GTPBP10: variants seen among roughly 807,000 people sequenced by gnomAD.
The protein encoded by GTPBP10 is GTP-binding protein 10.
Under a neutral mutation model 44.8 loss-of-function variants are expected in GTPBP10, and 38 were observed. That is an observed-to-expected ratio of 0.85 (90% CI 0.65 to 1.11). GTPBP10 has a LOEUF of 1.11. GTPBP10 is among the 50% of genes most tolerant of loss of function. The probability of loss-of-function intolerance (pLI) is 0.00; values close to 1 mark genes in which losing one functional copy is unlikely to be tolerated. For missense variants in GTPBP10, 462 were observed against 453.7 expected, an observed-to-expected ratio of 1.02 and a Z score of -0.17; for synonymous variants, 152 against 150.6, an observed-to-expected ratio of 1.01 and a Z score of -0.07.
At chr7:90,366,528 T>C (rs886439875) in intron 4 of GTPBP10, among the ~76,000 whole-genome samples, 3 of 152,196 alleles carry the variant, frequency 2.0e-5, no homozygotes, top group East Asian at 3.8e-4. Flanking sequence ...GTCCAGGAAT[T>C]TATCCATTTC....
At chr7:90,371,580 G>A (rs1424813283) in intron 4 of GTPBP10, among the ~76,000 whole-genome samples, 1 of 152,164 alleles carries the variant, frequency 6.6e-6, no homozygotes. Flanking sequence ...ATTGCAGATA[G>A]GAAACAAGAT....
chr7:90,371,150 A>T (rs17867629), intron 4 of GTPBP10: 51,487 of 927,926 alleles, frequency 0.055, 1,603 homozygotes, highest in South Asian at 0.13. Context: ...AATAATACAC[A>T]CTTGTTTGCA....
At chr7:90,363,734 T>C (rs1260865411) in intron 4 of GTPBP10, among the ~76,000 whole-genome samples, 2 of 152,214 alleles carry the variant, frequency 1.3e-5, no homozygotes, top group Admixed American at 6.5e-5. Flanking sequence ...GAGTGTTTTC[T>C]GACTTGGTTC....
chr7:90,382,738 A>T (rs1304943986), intron 8 of GTPBP10, among the ~76,000 whole-genome samples: 1 of 152,196 alleles, frequency 6.6e-6, no homozygotes, highest in Non-Finnish European at 1.5e-5. Context: ...ACGCAAAATT[A>T]CAACTGTCTC....
intron 4 of GTPBP10, among the ~76,000 whole-genome samples, chr7:90,356,757 GATAATGC>G (rs1363993713): frequency 2.6e-5 from 4 of 152,080 alleles, no homozygotes; most frequent in Non-Finnish European, 5.9e-5. Flanking sequence ...TGGTGGGTAA[GATAATGC>G]ATTTACAGCA....
intron 4 of GTPBP10, among the ~76,000 whole-genome samples, chr7:90,355,798 C>G (rs1220298316): frequency 6.6e-6 from 1 of 152,184 alleles, no homozygotes; most frequent in Non-Finnish European, 1.5e-5. Context: ...GTAGGCCTCA[C>G]AAGAGTGTCC....
At position 90,385,674 on chromosome 7, in the gene GTPBP10, G is replaced by C. The variant is rs1348540855; in HGVS notation, c.*520G>C. ...AGTTTTTTCACAGATCTTTTTTTTA[G>C]TATTATTACCTTCTGATATATGTGT... On this transcript the variant is annotated 3_prime_UTR_variant, in exon 10 of 10. Transcript: ENST00000222511. 1.3e-5 allele frequency: 2 copies of C among 150,616 alleles called. No homozygotes were observed. The highest frequency in any genetic ancestry group is 1.9e-4 in the East Asian group (1 of 5,170). The allele number at this position is 150,616 out of a possible 1,614,324, so 9.3% of individuals were successfully genotyped here.
Position 90,383,057 on chromosome 7 carries a change from G to A in GTPBP10, c.879G>A (p.Met293Ile). ...CCCAAGATAAGTTCCATGAATTGATGAGCCAGCTCCAGAATCCTAAAGGTA... is the reference window on the plus strand; with the variant it reads ...CCCAAGATAAGTTCCATGAATTGATAAGCCAGCTCCAGAATCCTAAAGGTA... ...PDAQDKFHELMSQLQNPKDFL... is the reference protein window; with the variant it reads ...PDAQDKFHELISQLQNPKDFL... The change falls in exon 9 of 10, where the codon ATG becomes ATA. Residue 293 changes from methionine to isoleucine, a missense_variant. By Grantham distance (10) the Met-to-Ile change is conservative. Coordinates refer to ENST00000222511, the MANE Select transcript of GTPBP10 (RefSeq NM_033107.4). 1.3e-6 allele frequency: 2 copies of A among 1,581,864 alleles called. No homozygotes were observed. Among genetic ancestry groups the A allele is most frequent in the Non-Finnish European group, 1.7e-6 (2 of 1,160,832 alleles).
At chr7:90,382,361 T>C (rs1019792019) in intron 8 of GTPBP10, among the ~76,000 whole-genome samples, 2 of 152,134 alleles carry the variant, frequency 1.3e-5, no homozygotes, top group Non-Finnish European at 2.9e-5. Context: ...CAAGCAATGC[T>C]CCTACCTCAG....
chr7:90,362,711 C>G (rs995067202), intron 4 of GTPBP10, among the ~76,000 whole-genome samples: 2 of 152,148 alleles, frequency 1.3e-5, no homozygotes, highest in African/African-American at 4.8e-5. Context: ...TCTTGTTGAT[C>G]TGTCTAATGT....
At chr7:90,348,425 T>A (rs953952136) in intron 1 of GTPBP10, among the ~76,000 whole-genome samples, 3 of 152,068 alleles carry the variant, frequency 2.0e-5, no homozygotes, top group African/African-American at 7.2e-5. Flanking sequence ...ACATATAAAA[T>A]ATATATATAG....
In GTPBP10 at chr7:90,374,303, TACA is replaced by T; in HGVS notation, c.544_546del (p.Thr182del). 1.3e-6 allele frequency: 2 copies of T among 1,594,376 alleles called. No homozygotes were observed. Among genetic ancestry groups the T allele is most frequent in the Non-Finnish European group, 1.7e-6 (2 of 1,162,864 alleles). On this transcript the variant is annotated inframe_deletion and splice_region_variant, in exon 6 of 10. Coordinates refer to ENST00000222511, the MANE Select transcript of GTPBP10 (RefSeq NM_033107.4). ...ATTTATTGCTGTGTTTCCTTTTAGT[TACA>T]ACATTAAAGCCTGAACTTGGAAAGA...
rs1311906908 is a variant in GTPBP10, at chr7:90,385,586, A to G, written c.*432A>G. 6.6e-6 allele frequency: 1 copy of G among 152,548 alleles called. No homozygotes were observed. The highest frequency in any genetic ancestry group is 1.9e-4 in the East Asian group (1 of 5,204). 9.4% of individuals were successfully genotyped at this position (152,548 alleles called of 1,614,324 possible). A position where few individuals can be genotyped will look rare whatever the true frequency, so the allele number is the denominator to read the frequency against. On this transcript the variant is annotated 3_prime_UTR_variant, in exon 10 of 10. Transcript: ENST00000222511. ...GTATAGATATTTCAAAACATGTTAC[A>G]CATGATAAATCCAGTTTTTCTACGT...
In GTPBP10 at chr7:90,377,417, A is replaced by G. The variant is rs1438703464; in HGVS notation, c.592-90A>G. 32 of 775,398 alleles carry G rather than the reference A, an allele frequency of 4.1e-5. No homozygotes were observed. The East Asian group carries it at 6.5e-4, about 16-fold the overall frequency. 48.0% of individuals were successfully genotyped at this position (775,398 alleles called of 1,614,324 possible). Reference sequence around the variant, plus strand: ...TAATCATAAGTTAGGAACTGTTTATATTTGAAATATCTTAAAAATTTTGGG... The same window carrying G: ...TAATCATAAGTTAGGAACTGTTTATGTTTGAAATATCTTAAAAATTTTGGG... On this transcript the variant is annotated intron_variant, in intron 6 of 9. Transcript: ENST00000222511.
At chr7:90,378,675 T>C (rs1796386129) in intron 8 of GTPBP10, among the ~76,000 whole-genome samples, 1 of 152,152 alleles carries the variant, frequency 6.6e-6, no homozygotes, top group African/African-American at 2.4e-5. Flanking sequence ...TATTGATGAC[T>C]GCCAGATCTG....
In GTPBP10 at chr7:90,388,991, T is replaced by C. The variant is rs767821937; in HGVS notation, c.*3837T>C. 8 of 152,204 alleles carry C rather than the reference T, an allele frequency of 5.3e-5. No individual in the cohort carries two copies. Among genetic ancestry groups the C allele is most frequent in the Non-Finnish European group, 1.2e-4 (8 of 68,034 alleles). 9.4% of individuals were successfully genotyped at this position (152,204 alleles called of 1,614,324 possible). ...AAAACTGTAGCTTAAAAATAAAAAT[T>C]AGTAATATAACTTGTGTAAACCTAC... On this transcript the variant is annotated 3_prime_UTR_variant, in exon 10 of 10. Transcript: ENST00000222511.
rs1978067 is a variant in GTPBP10, at chr7:90,355,103, A to G, written c.337A>G (p.Asn113Asp). 4.3e-5 allele frequency: 68 copies of G among 1,588,172 alleles called. No individual in the cohort carries two copies. The African/African-American group carries it at 6.5e-4, about 15-fold the overall frequency. ...TTTTTAAGGAGAACTCAATAAAGAA[A>G]ATGACAGAATTTTGGTAGCTCAAGG... ...GKIIGELNKE[N>D]DRILVAQGGL... The change falls in exon 4 of 10, where the codon AAT becomes GAT. Residue 113 changes from asparagine to aspartate, a missense_variant. Transcript: ENST00000222511.
intron 4 of GTPBP10, among the ~76,000 whole-genome samples, chr7:90,360,022 G>A (rs1302266665): frequency 6.6e-6 from 1 of 152,154 alleles, no homozygotes; most frequent in Non-Finnish European, 1.5e-5. Context: ...TGAGTACTTT[G>A]TAGATTCTGG....
At chr7:90,358,538 AATG>A in intron 4 of GTPBP10, among the ~76,000 whole-genome samples, 1 of 152,352 alleles carries the variant, frequency 6.6e-6, no homozygotes, top group African/African-American at 2.4e-5. Flanking sequence ...CTATTCAAAA[AATG>A]ATGCTGAGAA....
Sources: gnomAD v4.1 joint callset for allele counts (sites outside exome capture counted in the v4.1 genomes callset) on GRCh38, gnomAD v4.1.1 for gene constraint, MANE v1.5 for transcripts, NCBI Gene and HGNC (gene_info 2026-07-23, HGNC 2026-07-21) for gene names.